PCDH15: variants seen among roughly 807,000 people sequenced by gnomAD.
The protein encoded by PCDH15 is protocadherin-15.
Under a neutral mutation model 178.5 loss-of-function variants are expected in PCDH15, and 129 were observed. The observed-to-expected ratio is 0.72, with a 90% CI of 0.63 to 0.84. The LOEUF (loss-of-function observed/expected upper bound fraction) is 0.84, where lower values mean the gene tolerates loss of function less well. Among genes scored for constraint, PCDH15 ranks in the 40% least tolerant of loss-of-function variants. The pLI is 0.00. For missense variants in PCDH15, 2,230 were observed against 2,099.9 expected (o/e 1.06, Z -1.21); for synonymous variants, 800 against 732.0 (o/e 1.09, Z -1.50).
chr10:54,988,278 T>C (rs1839419545), intron 2 of PCDH15, among the ~76,000 whole-genome samples: 1 of 152,126 alleles, frequency 6.6e-6, no homozygotes, highest in African/African-American at 2.4e-5. Flanking sequence ...TATTATAGCC[T>C]TGTAGTATAG....
rs994791735 is a variant in PCDH15, at chr10:55,589,649, G to C, written c.-156+37976C>G. ...CAAACAACCCCATCAAAAAATGGGCGAAGGATATGAACAGACACTTCTCAA... is the reference window on the plus strand; with the variant it reads ...CAAACAACCCCATCAAAAAATGGGCCAAGGATATGAACAGACACTTCTCAA... On this transcript the variant is annotated intron_variant, in intron 2 of 5. Transcript: ENST00000613346. Among the ~76,000 whole-genome samples the C allele has an allele frequency of 4.3e-3, 650 of 152,016 alleles. 5 individuals carry two copies. The highest frequency in any genetic ancestry group is 0.015 in the African/African-American group (619 of 41,462).
intron 4 of PCDH15, among the ~76,000 whole-genome samples, chr10:54,370,874 C>T (rs1448958214): frequency 6.6e-6 from 1 of 151,618 alleles, no homozygotes; most frequent in Non-Finnish European, 1.5e-5. Context: ...TTATGGCCAA[C>T]AAAGAAAAAG....
chr10:54,122,122 C>G (rs7100992), intron 15 of PCDH15, among the ~76,000 whole-genome samples: 99,787 of 151,436 alleles, frequency 0.66, 33,264 homozygotes, highest in East Asian at 0.99. Flanking sequence ...AATACTTACA[C>G]GTCAAATTCA....
rs116534970 is a variant in PCDH15 at position 54,631,669 on chromosome 10, A to T, written c.91+32503T>A. ...TTAGTCTGTTTTCACACTGCTATAAAGTACTGCCTGAGACTGGGTAATTTA... is the reference window on the plus strand; with the variant it reads ...TTAGTCTGTTTTCACACTGCTATAATGTACTGCCTGAGACTGGGTAATTTA... On this transcript the variant is annotated intron_variant, in intron 2 of 37. Coordinates refer to ENST00000644397, the MANE Select transcript of PCDH15 (RefSeq NM_001384140.1). 3.8e-3 allele frequency among the ~76,000 whole-genome samples: 586 copies of T among 152,324 alleles called. 1 individual carries two copies. The highest frequency in any genetic ancestry group is 0.014 in the African/African-American group (570 of 41,582).
chr10:55,408,364 T>G (rs146450260), intron 2 of PCDH15, among the ~76,000 whole-genome samples: 65 of 152,024 alleles, frequency 4.3e-4, no homozygotes, highest in African/African-American at 1.6e-3. Context: ...TTTTGTATTG[T>G]TAGTAGAGAC....
intron 5 of PCDH15, among the ~76,000 whole-genome samples, chr10:54,358,521 G>A (rs1352305497): frequency 2.4e-4 from 37 of 152,142 alleles, no homozygotes; most frequent in Admixed American, 2.3e-3. Context: ...ACAAATGCTG[G>A]AGAGGATGTG....
chr10:54,004,467 A>G (rs575907265), intron 20 of PCDH15, among the ~76,000 whole-genome samples: 40 of 151,962 alleles, frequency 2.6e-4, no homozygotes, highest in African/African-American at 9.2e-4. Context: ...TAAAGTTGCA[A>G]GATACAAAAT....
intron 2 of PCDH15, among the ~76,000 whole-genome samples, chr10:55,585,872 A>G (rs1842718235): frequency 6.6e-6 from 1 of 152,152 alleles, no homozygotes; most frequent in Non-Finnish European, 1.5e-5. Flanking sequence ...CAAATTATAC[A>G]TAGAACTACT....
chr10:54,914,154 TC>T (rs1954864314), intron 2 of PCDH15, among the ~76,000 whole-genome samples: 1 of 152,158 alleles, frequency 6.6e-6, no homozygotes, highest in Non-Finnish European at 1.5e-5. Flanking sequence ...GGCTCTGTTT[TC>T]CCATTCAAAT....
chr10:53,844,727 C>G (rs1234696408), intron 28 of PCDH15, among the ~76,000 whole-genome samples: 1 of 151,884 alleles, frequency 6.6e-6, no homozygotes, highest in African/African-American at 2.4e-5. Context: ...CAAAAATCCA[C>G]TCAAAATGGA....
At chr10:55,164,106 C>T (rs1839134606) in intron 2 of PCDH15, among the ~76,000 whole-genome samples, 2 of 152,106 alleles carry the variant, frequency 1.3e-5, no homozygotes, top group Non-Finnish European at 2.9e-5. Context: ...GCAGTAGAGC[C>T]TACTATGGCT....
intron 1 of PCDH15, among the ~76,000 whole-genome samples, chr10:54,780,748 A>AAG (rs1349007565): frequency 2.0e-5 from 3 of 151,646 alleles, no homozygotes; most frequent in East Asian, 3.9e-4. Flanking sequence ...AAAAAAAAAA[A>AAG]AAAGAAAATT....
intron 1 of PCDH15, among the ~76,000 whole-genome samples, chr10:55,258,469 T>C (rs1842062172): frequency 6.6e-6 from 1 of 152,126 alleles, no homozygotes; most frequent in Non-Finnish European, 1.5e-5. Flanking sequence ...CCAAGTGTAC[T>C]TTTCTTTCTT....
chr10:55,553,535 A>C (rs2132090392), intron 2 of PCDH15, among the ~76,000 whole-genome samples: 1 of 151,966 alleles, frequency 6.6e-6, no homozygotes, highest in South Asian at 2.1e-4. Context: ...ATTTTGGCAC[A>C]TTCCTTCCAA....
chr10:54,090,108 C>A (rs374400228), intron 15 of PCDH15, 45 bp from the exon 16 acceptor site: 20 of 1,370,076 alleles, frequency 1.5e-5, no homozygotes, highest in Non-Finnish European at 1.9e-5. Context: ...ATTGATATGG[C>A]GCCCACTCAT....
chr10:55,604,496 T>G (rs1308849795), intron 2 of PCDH15, among the ~76,000 whole-genome samples: 1 of 147,396 alleles, frequency 6.8e-6, no homozygotes, highest in Non-Finnish European at 1.5e-5. Context: ...TACTTGGAAG[T>G]AAAGCTCTCC....
At chr10:55,409,739 T>C (rs2132033773) in intron 2 of PCDH15, among the ~76,000 whole-genome samples, 1 of 152,312 alleles carries the variant, frequency 6.6e-6, no homozygotes, top group African/African-American at 2.4e-5. Flanking sequence ...TCTGTGTATT[T>C]AGCAAAGTTA....
At position 55,349,623 on chromosome 10, in the gene PCDH15, CT is replaced by C. The variant is rs201163256; in HGVS notation, c.-155-182973del. Among the ~76,000 whole-genome samples, 849 of 151,712 alleles carry C rather than the reference CT, an allele frequency of 5.6e-3. 10 individuals are homozygous for C. Among genetic ancestry groups the C allele is most frequent in the African/African-American group, 0.02 (810 of 41,352 alleles). On this transcript the variant is annotated intron_variant, in intron 2 of 5. Transcript: ENST00000613346. ...AATTCAATGAGAGATCAAATGGTAA[CT>C]AAAAAAAAGATACTATGAAAATAGT...
At chr10:54,854,331 A>T (rs996671989) in intron 3 of PCDH15, among the ~76,000 whole-genome samples, 2 of 152,112 alleles carry the variant, frequency 1.3e-5, no homozygotes, top group African/African-American at 4.8e-5. Flanking sequence ...CTTCACCCAC[A>T]ATATGGTGAG....
Sources: gnomAD v4.1 joint callset for allele counts (sites outside exome capture counted in the v4.1 genomes callset) on GRCh38, gnomAD v4.1.1 for gene constraint, MANE v1.5 for transcripts, NCBI Gene and HGNC (gene_info 2026-07-23, HGNC 2026-07-21) for gene names.